Variants in BRCA1 observed in about 807,000 individuals in gnomAD.
BRCA1 encodes breast cancer type 1 susceptibility protein.
In BRCA1, 140 loss-of-function variants were observed where a neutral mutation model predicts 173.7. The ratio of observed to expected loss-of-function variants is 0.81; its 90% confidence interval spans 0.70 to 0.93. BRCA1 has a LOEUF of 0.93. Among genes scored for constraint, BRCA1 ranks in the 40% least tolerant of loss-of-function variants. The pLI is 0.00. For missense variants in BRCA1, 1,983 were observed against 2,172.5 expected (o/e 0.91, Z 1.73); for synonymous variants, 662 against 756.0 (o/e 0.88, Z 2.04).
chr17:43,089,992 G>A (rs1415370522), intron 11 of BRCA1, among the ~76,000 whole-genome samples: 1 of 151,120 alleles, frequency 6.6e-6, no homozygotes, highest in Admixed American at 6.6e-5. Flanking sequence ...GGGTAACAGA[G>A]TAAGAGACCC....
chr17:43,069,051 C>T (rs550653698), intron 15 of BRCA1, among the ~76,000 whole-genome samples: 3 of 152,304 alleles, frequency 2.0e-5, no homozygotes, highest in South Asian at 2.1e-4. Flanking sequence ...CCAGTATTTA[C>T]GTGTTGCACA....
intron 6 of BRCA1, among the ~76,000 whole-genome samples, chr17:43,102,708 A>G (rs2054546555): frequency 6.6e-6 from 1 of 150,802 alleles, no homozygotes; most frequent in African/African-American, 2.4e-5. Context: ...GCTGAAGTGC[A>G]GTGGAGTGAT....
At chr17:43,108,503 G>A (rs1486276988) in intron 3 of BRCA1, among the ~76,000 whole-genome samples, 1 of 151,650 alleles carries the variant, frequency 6.6e-6, no homozygotes, top group Non-Finnish European at 1.5e-5. Context: ...TGGAGTTTGA[G>A]ACCAGCCTGG....
chr17:43,125,285 G>C lies in BRCA1; in HGVS notation c.-34C>G, dbSNP rs2055827447. ...GACTCTACTACCTTTACCCAGAGCA[G>C]AGGGTGAAGGCCTCCTGAGCGCAGG... On this transcript the variant is annotated 5_prime_UTR_variant, in exon 1 of 23. Coordinates refer to ENST00000357654, the MANE Select transcript of BRCA1 (RefSeq NM_007294.4). The C allele has an allele frequency of 2.2e-6, 1 of 456,142 alleles. No homozygotes were observed. The highest frequency in any genetic ancestry group is 4.4e-6 in the Non-Finnish European group (1 of 226,982). The allele number at this position is 456,142 out of a possible 1,614,324, so 28.3% of individuals were successfully genotyped here. A position where few individuals can be genotyped will look rare whatever the true frequency, so the allele number is the denominator to read the frequency against.
intron 11 of BRCA1, among the ~76,000 whole-genome samples, chr17:43,083,270 C>T (rs559010985): frequency 6.6e-6 from 1 of 151,956 alleles, no homozygotes; most frequent in African/African-American, 2.4e-5. Context: ...ATTCTCCCAC[C>T]TCAGCCTCTC....
At chr17:43,081,951 A>G (rs1452860871) in intron 12 of BRCA1, among the ~76,000 whole-genome samples, 1 of 152,210 alleles carries the variant, frequency 6.6e-6, no homozygotes, top group African/African-American at 2.4e-5. Context: ...CTTTCTGTGG[A>G]TCAAAGTGCA....
At chr17:43,138,363 C>T (rs932896161) in intron 1 of BRCA1, 12 of 477,806 alleles carry the variant, frequency 2.5e-5, no homozygotes, top group African/African-American at 1.8e-4. Flanking sequence ...AACTCCAGGT[C>T]GGTCCCAGGT....
At chr17:43,078,998 G>A (rs1322964468) in intron 12 of BRCA1, among the ~76,000 whole-genome samples, 1 of 152,156 alleles carries the variant, frequency 6.6e-6, no homozygotes, top group Non-Finnish European at 1.5e-5. Flanking sequence ...TCAGGAGTTT[G>A]AGACCAGCCC....
Position 43,079,387 on chromosome 17 carries a change from T to C in BRCA1, c.4358-2773A>G, listed in dbSNP as rs750825948. On this transcript the variant is annotated intron_variant, in intron 12 of 22. Coordinates refer to ENST00000357654, the MANE Select transcript of BRCA1 (RefSeq NM_007294.4). ...AAACATGGAGTTGTTCCTTTGGCCA[T>C]GTATATGCGAATCTGTAAGAAAGGT... 2.5e-6 allele frequency: 4 copies of C among 1,596,688 alleles called. No homozygotes were observed. Among genetic ancestry groups the C allele is most frequent in the African/African-American group, 1.3e-5 (1 of 74,832 alleles).
At chr17:43,142,914 TTGTGTGTGTG>T (rs369108034) in intron 1 of BRCA1, among the ~76,000 whole-genome samples, 5 of 140,706 alleles carry the variant, frequency 3.6e-5, no homozygotes, top group East Asian at 2.0e-4. Context: ...CGGCTAATTT[TTGTGTGTGTG>T]TGTGTGTGTG....
At position 43,045,452 on chromosome 17, in the gene BRCA1, C is replaced by A. The variant is rs1028937904; in HGVS notation, c.*226G>T. Reference sequence around the variant, plus strand: ...TAAAATCTTCTCAGGTGAAAAATTACCATAATTTTGTGCTCATGGCAGATT... The same window carrying A: ...TAAAATCTTCTCAGGTGAAAAATTAACATAATTTTGTGCTCATGGCAGATT... On this transcript the variant is annotated 3_prime_UTR_variant, in exon 23 of 23. Coordinates refer to ENST00000357654, the MANE Select transcript of BRCA1 (RefSeq NM_007294.4). 1.4e-6 allele frequency: 1 copy of A among 725,768 alleles called. No individual in the cohort carries two copies. The highest frequency in any genetic ancestry group is 2.4e-6 in the Non-Finnish European group (1 of 409,474). The allele number at this position is 725,768 out of a possible 1,614,324, so 45.0% of individuals were successfully genotyped here.
intron 12 of BRCA1, among the ~76,000 whole-genome samples, 161 bp from the exon 13 acceptor site, chr17:43,076,775 A>G (rs1415657056): frequency 6.6e-6 from 1 of 152,176 alleles, no homozygotes; most frequent in Non-Finnish European, 1.5e-5. Flanking sequence ...AAGCAATGCA[A>G]CAGACAGATG....
intron 7 of BRCA1, among the ~76,000 whole-genome samples, chr17:43,098,924 T>G (rs1292309971): frequency 6.7e-6 from 1 of 148,290 alleles, no homozygotes; most frequent in Non-Finnish European, 1.5e-5. Context: ...TTCAAGCGAT[T>G]CTCCTGCCTC....
chr17:43,127,209 C>T (rs975871756), upstream of BRCA1, among the ~76,000 whole-genome samples: 9 of 152,346 alleles, frequency 5.9e-5, no homozygotes, highest in East Asian at 3.9e-4. Context: ...GGAGTGCAGG[C>T]GCCCGGCACA....
At chr17:43,082,672 T>C (rs1375540338) in intron 11 of BRCA1, 97 bp from the exon 12 acceptor site, 5 of 1,355,136 alleles carry the variant, frequency 3.7e-6, no homozygotes, top group Admixed American at 1.8e-5. Context: ...AGCACAGGAA[T>C]TGAAATCACC....
intron 6 of BRCA1, among the ~76,000 whole-genome samples, chr17:43,100,655 A>ATATATG (rs1439612969): frequency 3.8e-5 from 1 of 26,422 alleles, no homozygotes; most frequent in Non-Finnish European, 5.6e-5. Flanking sequence ...ACATATATAT[A>ATATATG]ACATATATAT....
At chr17:43,049,023 GC>G in intron 21 of BRCA1, 97 bp downstream of exon 21, 1 of 1,174,874 alleles carries the variant, frequency 8.5e-7, no homozygotes, top group Non-Finnish European at 1.3e-6. Context: ...GACTTCTGAG[GC>G]TACAGTAGGG....
chr17:43,144,885 C>T, intron 1 of BRCA1: 1 of 531,582 alleles, frequency 1.9e-6, no homozygotes, highest in Middle Eastern at 5.3e-4. Flanking sequence ...GGCCAGGCAG[C>T]CCAGCTTCGC....
intron 18 of BRCA1, among the ~76,000 whole-genome samples, chr17:43,060,164 G>A (rs147598602): frequency 2.6e-5 from 4 of 152,106 alleles, no homozygotes; most frequent in African/African-American, 4.8e-5. Flanking sequence ...TCCACCTCCC[G>A]GGTTGATGAA....
Sources: allele counts gnomAD v4.1 joint callset (sites outside exome capture counted in the v4.1 genomes callset), GRCh38; gene constraint gnomAD v4.1.1; transcripts MANE v1.5; gene names NCBI Gene and HGNC (gene_info 2026-07-23, HGNC 2026-07-21).